TSHZ3: variants seen among roughly 807,000 people sequenced by gnomAD.
The protein encoded by TSHZ3 is teashirt zinc finger homeobox 3, also known as teashirt homolog 3.
Under a neutral mutation model 64.5 loss-of-function variants are expected in TSHZ3, and 10 were observed. The observed-to-expected ratio is 0.16, with a 90% CI of 0.10 to 0.26. The LOEUF (loss-of-function observed/expected upper bound fraction) is 0.26. Among genes scored for constraint, TSHZ3 ranks in the 10% least tolerant of loss-of-function variants. The pLI is 1.00. For synonymous variants in TSHZ3, 608 were observed against 593.1 expected, an observed-to-expected ratio of 1.03 and a Z score of -0.36; for missense variants, 1,242 against 1,421.7, an observed-to-expected ratio of 0.87 and a Z score of 2.03.
chr19:31,346,791 C>T (rs2145204266), intron 1 of TSHZ3, among the ~76,000 whole-genome samples: 2 of 148,750 alleles, frequency 1.3e-5, no homozygotes, highest in East Asian at 3.9e-4. Flanking sequence ...ACAAACAAAC[C>T]ACCCCCAAAA....
At chr19:31,172,218 A>G (rs948998530) in intron 5 of TSHZ3, among the ~76,000 whole-genome samples, 6 of 152,216 alleles carry the variant, frequency 3.9e-5, no homozygotes, top group Non-Finnish European at 7.3e-5. Flanking sequence ...TCTGCTACTG[A>G]CAGCATCAAC....
intron 1 of TSHZ3, among the ~76,000 whole-genome samples, chr19:31,269,689 G>A (rs1976106805): frequency 6.6e-6 from 1 of 152,172 alleles, no homozygotes; most frequent in Non-Finnish European, 1.5e-5. Flanking sequence ...GATTCCTGCT[G>A]TGGAAGAAAA....
intron 1 of TSHZ3, among the ~76,000 whole-genome samples, chr19:31,250,087 C>T (rs919696829): frequency 1.3e-5 from 2 of 152,170 alleles, no homozygotes; most frequent in Non-Finnish European, 2.9e-5. Context: ...ACACACCTGT[C>T]GAGTGAACAC....
At chr19:31,348,951 A>C in intron 1 of TSHZ3, 1 of 508,744 alleles carries the variant, frequency 2.0e-6, no homozygotes, top group Non-Finnish European at 3.4e-6. Context: ...GCGCTCCGCG[A>C]GCGGCTCCCC....
At chr19:31,319,036 G>A (rs4805678) in intron 1 of TSHZ3, among the ~76,000 whole-genome samples, 52,063 of 152,086 alleles carry the variant, frequency 0.34, 8,991 homozygotes, top group East Asian at 0.47. Context: ...CCTCTGAGCC[G>A]GAGACCAGGG....
chr19:31,249,218 C>A (rs1258234088), intron 1 of TSHZ3, among the ~76,000 whole-genome samples: 5 of 152,170 alleles, frequency 3.3e-5, no homozygotes, highest in African/African-American at 1.2e-4. Flanking sequence ...TTCCAGGGCT[C>A]CAGTGATCTG....
chr19:31,177,217 G>C (rs1289352610), intron 5 of TSHZ3, among the ~76,000 whole-genome samples: 1 of 152,228 alleles, frequency 6.6e-6, no homozygotes, highest in Non-Finnish European at 1.5e-5. Flanking sequence ...CCTTCATACA[G>C]TGGGTTACTG....
intron 4 of TSHZ3, among the ~76,000 whole-genome samples, chr19:31,212,631 G>A (rs563393546): frequency 9.7e-4 from 147 of 152,158 alleles, no homozygotes; most frequent in African/African-American, 2.1e-3. Flanking sequence ...CTCTGTTACC[G>A]GAACTCTGAT....
At chr19:31,331,684 C>T (rs781169198) in intron 1 of TSHZ3, among the ~76,000 whole-genome samples, 4 of 152,202 alleles carry the variant, frequency 2.6e-5, no homozygotes, top group Non-Finnish European at 4.4e-5. Context: ...TGTGTCACTG[C>T]GGCCAAGGTT....
chr19:31,226,599 A>G (rs748585901), intron 4 of TSHZ3, among the ~76,000 whole-genome samples: 2 of 152,114 alleles, frequency 1.3e-5, no homozygotes, highest in Non-Finnish European at 2.9e-5. Context: ...GGACTAATAC[A>G]CCATTCCATC....
At chr19:31,337,196 C>A (rs1917274858) in intron 1 of TSHZ3, among the ~76,000 whole-genome samples, 1 of 152,020 alleles carries the variant, frequency 6.6e-6, no homozygotes, top group African/African-American at 2.4e-5. Context: ...GCTGCTGCCA[C>A]AATCTCCTAG....
intron 6 of TSHZ3, among the ~76,000 whole-genome samples, chr19:31,152,157 C>T (rs1433828904): frequency 1.3e-5 from 2 of 151,760 alleles, no homozygotes; most frequent in African/African-American, 2.4e-5. Context: ...GAAAAAAAAT[C>T]GCACCATTGG....
At chr19:31,321,983 C>T (rs1471543283) in intron 1 of TSHZ3, among the ~76,000 whole-genome samples, 6 of 152,050 alleles carry the variant, frequency 3.9e-5, no homozygotes, top group African/African-American at 1.2e-4. Flanking sequence ...TTCTCCATTC[C>T]CCCTACCCCC....
chr19:31,309,802 C>T (rs1462604396), intron 1 of TSHZ3, among the ~76,000 whole-genome samples: 2 of 148,950 alleles, frequency 1.3e-5, no homozygotes, highest in Non-Finnish European at 2.9e-5. Context: ...CTTTCTTTCA[C>T]CCCCTGGGAT....
At chr19:31,176,868 G>A (rs1471473836) in intron 5 of TSHZ3, among the ~76,000 whole-genome samples, 1 of 152,050 alleles carries the variant, frequency 6.6e-6, no homozygotes, top group African/African-American at 2.4e-5. Flanking sequence ...GGCAAAATTG[G>A]AAGGACAGAA....
chr19:31,308,132 T>C (rs1434453791), intron 1 of TSHZ3, among the ~76,000 whole-genome samples: 1 of 152,170 alleles, frequency 6.6e-6, no homozygotes, highest in East Asian at 1.9e-4. Flanking sequence ...TTGAAATCCC[T>C]AATGTTCTGC....
intron 1 of TSHZ3, among the ~76,000 whole-genome samples, chr19:31,295,572 A>C (rs1380954978): frequency 2.6e-5 from 4 of 152,112 alleles, no homozygotes; most frequent in Non-Finnish European, 5.9e-5. Flanking sequence ...GGCAAAGCTC[A>C]CCTGTGGTGT....
chr19:31,151,018 C>A (rs1974231129), exon 7 of TSHZ3, among the ~76,000 whole-genome samples: 1 of 152,168 alleles, frequency 6.6e-6, no homozygotes, highest in Non-Finnish European at 1.5e-5. Context: ...GCAGTTGAGT[C>A]ATAAACGAAA....
chr19:31,317,071 T>C (rs2069924383), intron 1 of TSHZ3, among the ~76,000 whole-genome samples: 2 of 152,238 alleles, frequency 1.3e-5, no homozygotes, highest in South Asian at 4.1e-4. Context: ...CCACGGGAGT[T>C]GAAATTTAGT....
Sources: allele counts gnomAD v4.1 joint callset (sites outside exome capture counted in the v4.1 genomes callset), GRCh38; gene constraint gnomAD v4.1.1; transcripts MANE v1.5; gene names NCBI Gene and HGNC (gene_info 2026-07-23, HGNC 2026-07-21).